FHIT: variants seen among roughly 807,000 people sequenced by gnomAD.
FHIT encodes the protein fragile histidine triad diadenosine triphosphatase.
In FHIT, 19 loss-of-function variants were observed where a neutral mutation model predicts 17.9. The observed-to-expected ratio is 1.06, with a 90% CI of 0.74 to 1.56. The LOEUF (loss-of-function observed/expected upper bound fraction) is 1.56, where lower values mean the gene tolerates loss of function less well. Ranked by LOEUF, FHIT falls within the 40% of genes most tolerant of loss-of-function variation. The pLI is 0.00. For synonymous variants in FHIT, 81 were observed against 69.7 expected (o/e 1.16, Z -0.81); for missense variants, 248 against 189.2 (o/e 1.31, Z -1.82).
chr3:60,203,962 G>C (rs1350059803), intron 5 of FHIT, among the ~76,000 whole-genome samples: 2 of 152,178 alleles, frequency 1.3e-5, no homozygotes, highest in East Asian at 1.9e-4. Context: ...GGGGAGGGGG[G>C]TGAATAGTTA....
chr3:61,095,651 T>TCAAA (rs2035615345), intron 2 of FHIT, among the ~76,000 whole-genome samples: 3 of 150,166 alleles, frequency 2.0e-5, no homozygotes, highest in Non-Finnish European at 4.4e-5. Flanking sequence ...GCATCTGTTT[T>TCAAA]AAAAAAAAAA....
chr3:60,118,267 C>T (rs1267340460), intron 5 of FHIT, among the ~76,000 whole-genome samples: 1 of 151,538 alleles, frequency 6.6e-6, no homozygotes, highest in African/African-American at 2.4e-5. Flanking sequence ...CCACCATATC[C>T]AGCTCATTTT....
At chr3:60,171,456 C>T (rs1243591680) in intron 5 of FHIT, among the ~76,000 whole-genome samples, 1 of 152,180 alleles carries the variant, frequency 6.6e-6, no homozygotes, top group African/African-American at 2.4e-5. Context: ...TCTCTAAAAA[C>T]AGACACTTCA....
intron 2 of FHIT, among the ~76,000 whole-genome samples, chr3:61,119,046 A>G (rs943180093): frequency 2.0e-5 from 3 of 152,126 alleles, no homozygotes; most frequent in African/African-American, 7.2e-5. Context: ...AGCCCCTTAG[A>G]GGTCACTGAA....
At chr3:60,418,123 T>A (rs866528494) in intron 5 of FHIT, among the ~76,000 whole-genome samples, 58 of 152,156 alleles carry the variant, frequency 3.8e-4, no homozygotes, top group South Asian at 8.3e-4. Flanking sequence ...ATTAAACTAA[T>A]TGTTACATTT....
At chr3:60,362,628 A>C (rs976149542) in intron 5 of FHIT, among the ~76,000 whole-genome samples, 2 of 152,358 alleles carry the variant, frequency 1.3e-5, no homozygotes, top group African/African-American at 2.4e-5. Context: ...CATTTTTATC[A>C]TGTACATGAG....
At chr3:61,140,140 A>G (rs2037038798) in intron 2 of FHIT, among the ~76,000 whole-genome samples, 1 of 152,118 alleles carries the variant, frequency 6.6e-6, no homozygotes, top group Admixed American at 6.5e-5. Context: ...CCAGCTCTGT[A>G]GCTTTGGGCA....
intron 8 of FHIT, among the ~76,000 whole-genome samples, chr3:59,905,603 G>C (rs961487062): frequency 6.6e-6 from 1 of 152,056 alleles, no homozygotes. Flanking sequence ...TTTAAAAAAT[G>C]GTTTTGTTTC....
intron 5 of FHIT, among the ~76,000 whole-genome samples, chr3:60,316,190 A>C (rs1313060902): frequency 6.6e-6 from 1 of 152,210 alleles, no homozygotes; most frequent in Non-Finnish European, 1.5e-5. Flanking sequence ...CAGTAAGCTA[A>C]CTATAAAAAT....
intron 4 of FHIT, among the ~76,000 whole-genome samples, chr3:60,624,850 A>G (rs181075152): frequency 6.6e-6 from 1 of 151,720 alleles, no homozygotes; most frequent in Non-Finnish European, 1.5e-5. Context: ...AGGATATGCC[A>G]TGTTTGTCCA....
intron 5 of FHIT, among the ~76,000 whole-genome samples, chr3:60,486,718 T>A (rs1334935190): frequency 6.6e-6 from 1 of 152,148 alleles, no homozygotes; most frequent in African/African-American, 2.4e-5. Context: ...GCCAAAACAC[T>A]TCTCCTTATC....
At chr3:60,727,867 G>A (rs1338853844) in intron 4 of FHIT, among the ~76,000 whole-genome samples, 3 of 152,190 alleles carry the variant, frequency 2.0e-5, no homozygotes, top group African/African-American at 7.2e-5. Context: ...AGCTGGGCAT[G>A]GTGGCGGGTG....
intron 5 of FHIT, among the ~76,000 whole-genome samples, chr3:60,455,342 T>C (rs969292811): frequency 4.6e-5 from 7 of 152,112 alleles, no homozygotes; most frequent in Non-Finnish European, 1.0e-4. Flanking sequence ...TGAGGTCTTT[T>C]CCCTCCATCA....
chr3:60,206,359 G>A (rs893911949), intron 5 of FHIT, among the ~76,000 whole-genome samples: 1 of 152,026 alleles, frequency 6.6e-6, no homozygotes. Context: ...GTGTATCTGA[G>A]CTTCAGATGT....
rs142351481 is a variant in FHIT at position 59,802,370 on chromosome 3, C to G, written c.349-50049G>C. 7.1e-3 allele frequency among the ~76,000 whole-genome samples: 1,082 copies of G among 152,316 alleles called. 17 individuals carry two copies. The highest frequency in any genetic ancestry group is 0.025 in the African/African-American group (1,051 of 41,574). On this transcript the variant is annotated intron_variant, in intron 8 of 9. Transcript: ENST00000492590. ...TTGTTGTCAGGCCTCTGAGCCCAAGCTAATCCATCATATCCCCTGTGACCT... is the reference window on the plus strand; with the variant it reads ...TTGTTGTCAGGCCTCTGAGCCCAAGGTAATCCATCATATCCCCTGTGACCT...
At chr3:60,889,191 C>G (rs1342219862) in intron 3 of FHIT, among the ~76,000 whole-genome samples, 4 of 152,080 alleles carry the variant, frequency 2.6e-5, no homozygotes, top group African/African-American at 4.8e-5. Flanking sequence ...GCACTCACCC[C>G]CTCACTCTCT....
At chr3:60,015,915 G>T (rs1166876862) in intron 5 of FHIT, among the ~76,000 whole-genome samples, 1 of 151,986 alleles carries the variant, frequency 6.6e-6, no homozygotes, top group Non-Finnish European at 1.5e-5. Context: ...GTTGCTCCTA[G>T]AAAAACAACT....
chr3:60,196,744 T>C (rs1268953599), intron 5 of FHIT, among the ~76,000 whole-genome samples: 1 of 151,994 alleles, frequency 6.6e-6, no homozygotes, highest in Non-Finnish European at 1.5e-5. Context: ...TACACATATA[T>C]ACATGCACAC....
chr3:59,976,338 C>T (rs1708410938), intron 7 of FHIT, among the ~76,000 whole-genome samples: 1 of 152,070 alleles, frequency 6.6e-6, no homozygotes, highest in Non-Finnish European at 1.5e-5. Context: ...AGGAAGTTAA[C>T]AATCAGCAAC....
Sources: allele counts gnomAD v4.1 joint callset (sites outside exome capture counted in the v4.1 genomes callset), GRCh38; gene constraint gnomAD v4.1.1; transcripts MANE v1.5; gene names NCBI Gene and HGNC (gene_info 2026-07-23, HGNC 2026-07-21).